RBMS3: variants seen among roughly 807,000 people sequenced by gnomAD.
RBMS3 encodes the protein RNA binding motif single stranded interacting protein 3.
Under a neutral mutation model 66.8 loss-of-function variants are expected in RBMS3, and 27 were observed. That is an observed-to-expected ratio of 0.40 (90% CI 0.30 to 0.56). RBMS3 has a LOEUF of 0.56. Among genes scored for constraint, RBMS3 ranks in the 20% least tolerant of loss-of-function variants. The pLI is 0.40. For synonymous variants in RBMS3, 188 were observed against 183.0 expected, an observed-to-expected ratio of 1.03 and a Z score of -0.22; for missense variants, 513 against 549.5, an observed-to-expected ratio of 0.93 and a Z score of 0.66.
chr3:29,353,462 ACTTT>A (rs1313079694), intron 1 of RBMS3, among the ~76,000 whole-genome samples: 2 of 151,960 alleles, frequency 1.3e-5, no homozygotes, highest in Admixed American at 1.3e-4. Context: ...GCTATAAGCT[ACTTT>A]CTTTGCTTGA....
intron 4 of RBMS3, among the ~76,000 whole-genome samples, chr3:29,715,227 G>T (rs1484046909): frequency 6.6e-6 from 1 of 152,000 alleles, no homozygotes; most frequent in Non-Finnish European, 1.5e-5. Flanking sequence ...CTACCTCAGG[G>T]GTGCTCATAT....
chr3:29,514,505 T>A (rs942399781), intron 3 of RBMS3, among the ~76,000 whole-genome samples: 6 of 151,864 alleles, frequency 4.0e-5, no homozygotes, highest in African/African-American at 1.5e-4. Context: ...TTGCTCAATC[T>A]AATGTGATTT....
intron 1 of RBMS3, among the ~76,000 whole-genome samples, chr3:29,400,655 A>G (rs1575714626): frequency 6.6e-6 from 1 of 151,996 alleles, no homozygotes; most frequent in Non-Finnish European, 1.5e-5. Context: ...AAAAGGACCT[A>G]CTTATTCTTA....
intron 12 of RBMS3, among the ~76,000 whole-genome samples, chr3:29,948,071 A>G (rs910345701): frequency 6.6e-6 from 1 of 151,620 alleles, no homozygotes; most frequent in Non-Finnish European, 1.5e-5. Flanking sequence ...CTAACCTTTT[A>G]TGCACCAGCT....
intron 6 of RBMS3, among the ~76,000 whole-genome samples, chr3:29,782,468 C>G (rs2056670798): frequency 6.6e-6 from 1 of 152,210 alleles, no homozygotes; most frequent in African/African-American, 2.4e-5. Flanking sequence ...AGCCCCATTC[C>G]TAGGGGTAGG....
intron 3 of RBMS3, among the ~76,000 whole-genome samples, chr3:29,526,477 C>G (rs1016409071): frequency 3.2e-5 from 4 of 124,828 alleles, no homozygotes; most frequent in African/African-American, 1.2e-4. Flanking sequence ...GCCGAGATCG[C>G]GCCACTGCAC....
chr3:29,921,462 T>C (rs1045288240), intron 10 of RBMS3, among the ~76,000 whole-genome samples: 11 of 133,392 alleles, frequency 8.2e-5, no homozygotes, highest in Non-Finnish European at 1.5e-4. Flanking sequence ...GCCATACAAA[T>C]TCTAAAAGCT....
intron 8 of RBMS3, among the ~76,000 whole-genome samples, chr3:29,891,069 T>C (rs905728298): frequency 6.6e-6 from 1 of 151,584 alleles, no homozygotes; most frequent in African/African-American, 2.4e-5. Flanking sequence ...AACTAAGCCA[T>C]AGGGCTTTTT....
chr3:29,931,157 A>C (rs1332483960), intron 10 of RBMS3, among the ~76,000 whole-genome samples: 1 of 152,208 alleles, frequency 6.6e-6, no homozygotes, highest in Non-Finnish European at 1.5e-5. Flanking sequence ...ATTGAACTGA[A>C]AAATGAGTGG....
intron 3 of RBMS3, among the ~76,000 whole-genome samples, chr3:29,579,799 G>T (rs546180010): frequency 6.6e-6 from 1 of 152,154 alleles, no homozygotes; most frequent in Non-Finnish European, 1.5e-5. Flanking sequence ...TGCCAAGTAC[G>T]CTGCTCCTTA....
chr3:29,627,951 T>C (rs998812158), intron 4 of RBMS3, among the ~76,000 whole-genome samples: 5 of 152,112 alleles, frequency 3.3e-5, no homozygotes, highest in African/African-American at 7.2e-5. Flanking sequence ...GAAACCACCA[T>C]GTACTCCCAA....
chr3:29,681,001 TTGA>T (rs1248677227), intron 4 of RBMS3, among the ~76,000 whole-genome samples: 1 of 152,226 alleles, frequency 6.6e-6, no homozygotes, highest in Non-Finnish European at 1.5e-5. Flanking sequence ...TATGTCTGCA[TTGA>T]TGCATACATA....
At chr3:29,973,678 C>CT (rs1697368761) in intron 12 of RBMS3, among the ~76,000 whole-genome samples, 1 of 151,932 alleles carries the variant, frequency 6.6e-6, no homozygotes, top group South Asian at 2.1e-4. Context: ...TTCCTGAGCT[C>CT]CTCACTTCTG....
intron 12 of RBMS3, among the ~76,000 whole-genome samples, chr3:29,973,632 T>C (rs577828507): frequency 6.6e-6 from 1 of 152,078 alleles, no homozygotes; most frequent in East Asian, 1.9e-4. Flanking sequence ...GTATCCTTTA[T>C]TGGAATTTAA....
In RBMS3 at chr3:29,720,105, C is replaced by CGCTAGT. The variant is rs373854498; in HGVS notation, c.400-19610_400-19609insTGCTAG. On this transcript the variant is annotated intron_variant, in intron 4 of 14. Coordinates refer to ENST00000383767, the MANE Select transcript of RBMS3 (RefSeq NM_001003793.3). ...TCCAAAGTCACTTCATGCCATTACC[C>CGCTAGT]GCTAGCTCCCTCTGTTGCACCCACA... 8.2e-4 allele frequency among the ~76,000 whole-genome samples: 53 copies of CGCTAGT among 64,552 alleles called. 1 individual carries two copies. The highest frequency in any genetic ancestry group is 2.8e-3 in the African/African-American group (48 of 17,084). 42.3% of individuals were successfully genotyped at this position (64,552 alleles called of 152,430 possible).
rs114311436 is a variant in RBMS3 at position 29,354,942 on chromosome 3, A to G, written c.75+73186A>G. 8.0e-3 allele frequency among the ~76,000 whole-genome samples: 1,210 copies of G among 152,188 alleles called. 23 individuals are homozygous for G. The highest frequency in any genetic ancestry group is 0.027 in the African/African-American group (1,120 of 41,558). The stretch of plus-strand genomic sequence containing the variant: ...TAAAAAGACTTCTGAGATAGATACC[A>G]TTTATCCATTTCATTTTCAGGTGGG... On this transcript the variant is annotated intron_variant, in intron 1 of 14. Transcript: ENST00000383767.
At chr3:29,475,127 G>C (rs976277638) in intron 2 of RBMS3, among the ~76,000 whole-genome samples, 8 of 152,018 alleles carry the variant, frequency 5.3e-5, no homozygotes, top group African/African-American at 1.9e-4. Flanking sequence ...GGTTTATTAT[G>C]GTATAAATAG....
At chr3:29,844,893 T>G (rs2058742077) in intron 6 of RBMS3, among the ~76,000 whole-genome samples, 1 of 152,216 alleles carries the variant, frequency 6.6e-6, no homozygotes, top group Admixed American at 6.5e-5. Flanking sequence ...AAAGTGTCAT[T>G]CTTTGTTCAT....
intron 4 of RBMS3, among the ~76,000 whole-genome samples, chr3:29,731,781 A>C (rs2054148669): frequency 6.6e-6 from 1 of 152,106 alleles, no homozygotes; most frequent in East Asian, 1.9e-4. Context: ...AGGGTTCTTC[A>C]GAGAAACAGA....
Sources: gnomAD v4.1 joint callset for allele counts (sites outside exome capture counted in the v4.1 genomes callset) on GRCh38, gnomAD v4.1.1 for gene constraint, MANE v1.5 for transcripts, NCBI Gene and HGNC (gene_info 2026-07-23, HGNC 2026-07-21) for gene names.